ZNF646: variants seen among roughly 807,000 people sequenced by gnomAD.
The protein encoded by ZNF646 is zinc finger protein 646.
ZNF646 carries 49 observed loss-of-function variants against 115.4 expected under a neutral mutation model. That is an observed-to-expected ratio of 0.42 (90% CI 0.34 to 0.54). The LOEUF is 0.54. Ranked by LOEUF, ZNF646 falls within the 20% of genes least tolerant of loss-of-function variation. The probability of loss-of-function intolerance (pLI) is 0.04; values close to 1 mark genes in which losing one functional copy is unlikely to be tolerated. For missense variants in ZNF646, 2,269 were observed against 2,457.9 expected (o/e 0.92, Z 1.62); for synonymous variants, 933 against 939.0 (o/e 0.99, Z 0.12).
At position 31,083,858 on chromosome 16, in the gene ZNF646, G is replaced by T. The variant is rs566965645; in HGVS notation, c.*766G>T. ...AGTTGTCCTCATCCTCACGGCTTTG[G>T]TCCCTCCCTCCCTCCCCATTCCTCG... On this transcript the variant is annotated 3_prime_UTR_variant, in exon 3 of 3. Transcript: ENST00000300850. 5 of 1,601,622 alleles carry T rather than the reference G, an allele frequency of 3.1e-6. No homozygotes were observed. The East Asian group carries it at 9.0e-5, about 29-fold the overall frequency.
Position 31,084,034 on chromosome 16 carries a change from G to C in ZNF646, c.*942G>C. The C allele has an allele frequency of 2.0e-6, 3 of 1,508,374 alleles. No homozygotes were observed. Among genetic ancestry groups the C allele is most frequent in the Non-Finnish European group, 2.7e-6 (3 of 1,124,506 alleles). 93.4% of individuals were successfully genotyped at this position (1,508,374 alleles called of 1,614,324 possible). ...TGCTCCACCCTACCCAAGGCAGCTGGAGTGGGTTAGAACGGCACGTTCTCA... is the reference window on the plus strand; with the variant it reads ...TGCTCCACCCTACCCAAGGCAGCTGCAGTGGGTTAGAACGGCACGTTCTCA... On this transcript the variant is annotated 3_prime_UTR_variant, in exon 3 of 3. Coordinates refer to ENST00000300850, the MANE Select transcript of ZNF646 (RefSeq NM_014699.4).
Position 31,080,360 on chromosome 16 carries a change from A to G in ZNF646, c.4036A>G (p.Arg1346Gly), listed in dbSNP as rs1414377666. Residue 1346 changes from arginine (R) to glycine (G), a missense_variant, in exon 2 of 3, where the codon AGG becomes GGG. Arg to Gly is a moderately radical substitution (Grantham distance 125). Coordinates refer to ENST00000300850, the MANE Select transcript of ZNF646 (RefSeq NM_014699.4). ...SNRMALKDHQ[R>G]LHSENRRRRA... ...CCGCATGGCCCTGAAGGACCACCAG[A>G]GGCTGCACTCAGAGAATCGGCGGCG... is the stretch of plus-strand genomic sequence containing the variant. 6.2e-7 allele frequency: 1 copy of G among 1,613,540 alleles called. No homozygotes were observed. Among genetic ancestry groups the G allele is most frequent in the Non-Finnish European group, 8.5e-7 (1 of 1,179,912 alleles).
chr16:31,080,197 G>C lies in ZNF646; in HGVS notation c.3873G>C (p.Lys1291Asn). ...GGCGTGGGGGTGGGGGCACCCGAAA[G>C]GCGACTCGGGAAGATCGGCCCTTCC... Reference protein sequence around the residue: ...MERRGGGGTRKATREDRPFRC... With the variant: ...MERRGGGGTRNATREDRPFRC... Residue 1291 changes from lysine to asparagine, a missense_variant, in exon 2 of 3, where the codon AAG becomes AAC. By Grantham distance (94) the Lys-to-Asn change is moderately conservative. This residue lies in a region of ZNF646 where 1,062 missense variants were observed against 1,172.8 expected (regional missense o/e 0.91). Coordinates refer to ENST00000300850, the MANE Select transcript of ZNF646 (RefSeq NM_014699.4). The C allele has an allele frequency of 6.2e-7, 1 of 1,609,354 alleles. No homozygotes were observed. The highest frequency in any genetic ancestry group is 8.5e-7 in the Non-Finnish European group (1 of 1,177,500).
rs1160064604 is a variant in ZNF646 at position 31,077,869 on chromosome 16, C to G, written c.1545C>G (p.Cys515Trp). The change falls in exon 2 of 3, where the codon TGC (cysteine) becomes TGG (tryptophan). Residue 515 changes from cysteine to tryptophan, a missense_variant. By Grantham distance (215) the Cys-to-Trp change is radical. This residue lies in a region of ZNF646 where 852 missense variants were observed against 900.2 expected (regional missense o/e 0.95). Coordinates refer to ENST00000300850, the MANE Select transcript of ZNF646 (RefSeq NM_014699.4). Reference protein sequence around the residue: ...MALRNHVRVHCKAARRSADIG... With the variant: ...MALRNHVRVHWKAARRSADIG... Reference sequence around the variant, plus strand: ...TGCGCAACCACGTGCGGGTACATTGCAAGGCTGCTCGCCGAAGTGCAGACA... The same window carrying G: ...TGCGCAACCACGTGCGGGTACATTGGAAGGCTGCTCGCCGAAGTGCAGACA... 1.2e-6 allele frequency: 2 copies of G among 1,613,770 alleles called. No individual in the cohort carries two copies. The highest frequency in any genetic ancestry group is 2.7e-5 in the African/African-American group (2 of 75,060).
chr16:31,081,851 T>C, intron 2 of ZNF646, 150 bp downstream of exon 2: 1 of 1,295,140 alleles, frequency 7.7e-7, no homozygotes. Context: ...GTGAGAGAAG[T>C]AGCTTGAGGA....
rs760216959 is a variant in ZNF646, at chr16:31,079,058, G to A, written c.2734G>A (p.Gly912Ser). ...CCACAGCTCCTCTGGCATGACTGAG[G>A]GCTCAGAGGAGGAGGGGGAAGAGGA... ...QAHSSSGMTE[G>S]SEEEGEEEGV... The change falls in exon 2 of 3, where the codon GGC (glycine) becomes AGC (serine). Residue 912 changes from glycine (G) to serine (S), a missense_variant. Gly to Ser is a moderately conservative substitution (Grantham distance 56). This residue lies in a region of ZNF646 where 852 missense variants were observed against 900.2 expected (regional missense o/e 0.95). Coordinates refer to ENST00000300850, the MANE Select transcript of ZNF646 (RefSeq NM_014699.4). The surrounding 1 kb of genome is among the most constrained non-coding windows in gnomAD (Gnocchi z 5.5). 2.5e-6 allele frequency: 4 copies of A among 1,577,700 alleles called. No homozygotes were observed. The highest frequency in any genetic ancestry group is 2.6e-6 in the Non-Finnish European group (3 of 1,158,910).
At chr16:31,072,775 C>A (rs970842309), upstream of ZNF646, 1 of 152,418 alleles carries the variant, frequency 6.6e-6, no homozygotes. Context: ...GAGTCCTCCT[C>A]CCGGCAGCGA....
rs933956442 is a variant in ZNF646, at chr16:31,081,930, C to T, written c.5377+229C>T. 2.5e-4 allele frequency: 166 copies of T among 661,906 alleles called. 1 individual carries two copies. The African/African-American group carries it at 2.5e-3, about 10-fold the overall frequency. 41.0% of individuals were successfully genotyped at this position (661,906 alleles called of 1,614,324 possible). A position where few individuals can be genotyped will look rare whatever the true frequency, so the allele number is the denominator to read the frequency against. Reference sequence around the variant, plus strand: ...GGGTGGGTTGGGCAGCACGTGGGGGCGTGGTCAGGCCGAGGCTGCTACCTG... The same window carrying T: ...GGGTGGGTTGGGCAGCACGTGGGGGTGTGGTCAGGCCGAGGCTGCTACCTG... On this transcript the variant is annotated intron_variant, in intron 2 of 2. Transcript: ENST00000300850.
Position 31,079,306 on chromosome 16 carries a change from A to G in ZNF646, c.2982A>G (p.Gly994=). ...CAGACAAGGCTCCCAGCCCCTTGGG[A>G]GTGGCAGGTGATGCCATGGAGATGG... ...TTADKAPSPL[G]VAGDAMEMVV... The change falls in exon 2 of 3, where the codon GGA becomes GGG. Residue 994 remains glycine, a synonymous_variant. Coordinates refer to ENST00000300850, the MANE Select transcript of ZNF646 (RefSeq NM_014699.4). The surrounding 1 kb of genome is among the most constrained non-coding windows in gnomAD (Gnocchi z 5.5). 1.9e-6 allele frequency: 3 copies of G among 1,613,214 alleles called. No homozygotes were observed. Among genetic ancestry groups the G allele is most frequent in the Non-Finnish European group, 2.5e-6 (3 of 1,179,376 alleles).
At position 31,076,732 on chromosome 16, in the gene ZNF646, C is replaced by G. The variant is rs771387933; in HGVS notation, c.408C>G (p.Gly136=). The change falls in exon 2 of 3, where the codon GGC becomes GGG. Residue 136 remains glycine, a synonymous_variant. Coordinates refer to ENST00000300850, the MANE Select transcript of ZNF646 (RefSeq NM_014699.4). ...GCCAAAGGCTTGGCTCTAGTGAAGG[C>G]TGGGAAAACCAGACAAAACATACAG... The part of the protein sequence containing the change: ...SWGQRLGSSE[G]WENQTKHTEE... 6.2e-7 allele frequency: 1 copy of G among 1,613,700 alleles called. No individual in the cohort carries two copies. The highest frequency in any genetic ancestry group is 1.1e-5 in the South Asian group (1 of 91,080).
rs1390421955 is a variant in ZNF646 at position 31,083,939 on chromosome 16, C to T, written c.*847C>T. The T allele has an allele frequency of 1.5e-5, 23 of 1,530,228 alleles. 1 individual carries two copies. The highest frequency in any genetic ancestry group is 1.2e-4 in the East Asian group (5 of 41,880). The allele number at this position is 1,530,228 out of a possible 1,614,324, so 94.8% of individuals were successfully genotyped here. The stretch of plus-strand genomic sequence containing the variant: ...CAGATGAGAATACTGAGGCTCAAAG[C>T]GGTTGAGCAGCCTGCTCCAAGTCAC... On this transcript the variant is annotated 3_prime_UTR_variant, in exon 3 of 3. Transcript: ENST00000300850.
chr16:31,076,215 CT>C, intron 1 of ZNF646, 30 bp from the exon 2 acceptor site: 1 of 1,424,840 alleles, frequency 7.0e-7, no homozygotes, highest in Non-Finnish European at 9.3e-7. Flanking sequence ...TAATTCAGGC[CT>C]TCCTTTTGAC....
In ZNF646 at chr16:31,082,979, G is replaced by A; in HGVS notation, c.5386G>A (p.Val1796Met). 6.3e-7 allele frequency: 1 copy of A among 1,596,006 alleles called. No individual in the cohort carries two copies. Among genetic ancestry groups the A allele is most frequent in the Non-Finnish European group, 8.5e-7 (1 of 1,170,806 alleles). The change falls in exon 3 of 3, where the codon GTG becomes ATG. Residue 1796 changes from valine to methionine, a missense_variant. Physicochemically the swap from Val to Met is conservative, Grantham distance 21. Transcript: ENST00000300850. ...TCTCTCTCTCCCCCCAGGAGCCCCAGTGGCACCAGTGACGGGCAGAGGGGA... is the reference window on the plus strand; with the variant it reads ...TCTCTCTCTCCCCCCAGGAGCCCCAATGGCACCAGTGACGGGCAGAGGGGA... ...EWTVAGSGAP[V>M]APVTGRGDLP...
rs201057342 is a variant in ZNF646, at chr16:31,077,787, G to A, written c.1463G>A (p.Arg488Gln). ...GSLVNHRHSH[R>Q]TGEYQCSLCP... ...CTGGTGAACCATCGCCACAGCCATCGGACTGGAGAGTACCAGTGCTCACTC... is the reference window on the plus strand; with the variant it reads ...CTGGTGAACCATCGCCACAGCCATCAGACTGGAGAGTACCAGTGCTCACTC... Residue 488 changes from arginine (R) to glutamine (Q), a missense_variant, in exon 2 of 3, where the codon CGG (arginine) becomes CAG (glutamine). Around this residue, in one of 5 missense-constraint regions of ZNF646, gnomAD observed 852 missense variants for 900.2 expected, o/e 0.95. Transcript: ENST00000300850. 2.0e-5 allele frequency: 33 copies of A among 1,613,872 alleles called. No homozygotes were observed. Among genetic ancestry groups the A allele is most frequent in the African/African-American group, 8.0e-5 (6 of 75,040 alleles).
Position 31,079,955 on chromosome 16 carries a change from T to G in ZNF646, c.3631T>G (p.Ser1211Ala). The change falls in exon 2 of 3, where the codon TCC (serine) becomes GCC (alanine). Residue 1211 changes from serine (S) to alanine (A), a missense_variant. Physicochemically the swap from Ser to Ala is moderately conservative, Grantham distance 99. Transcript: ENST00000300850. The surrounding 1 kb of genome is among the most constrained non-coding windows in gnomAD (Gnocchi z 5.5). ...CTTCAGCTGCGAGGTGTGTGGCCGA[T>G]CCTACAAGCACGCCGGCAGCCTCAT... is the stretch of plus-strand genomic sequence containing the variant. ...RPFSCEVCGRSYKHAGSLINH... is the reference protein window; with the variant it reads ...RPFSCEVCGRAYKHAGSLINH... 6.2e-7 allele frequency: 1 copy of G among 1,610,632 alleles called. No individual in the cohort carries two copies. Among genetic ancestry groups the G allele is most frequent in the Non-Finnish European group, 8.5e-7 (1 of 1,177,894 alleles).
At chr16:31,073,563 C>G (rs1047692303), upstream of ZNF646, 4 of 152,164 alleles carry the variant, frequency 2.6e-5, no homozygotes, top group African/African-American at 9.7e-5. Context: ...CAACCCGGCC[C>G]GCCCTCGGCG....
rs1416960447 is a variant in ZNF646 at position 31,080,307 on chromosome 16, G to T, written c.3983G>T (p.Cys1328Phe). ...RRSHETGQYS[C>F]PTCPKTYSNR... ...AGCCACGAGACGGGCCAGTACAGCT[G>T]CCCCACCTGCCCCAAGACCTACTCC... Residue 1328 changes from cysteine (C) to phenylalanine (F), a missense_variant, in exon 2 of 3, where the codon TGC (cysteine) becomes TTC (phenylalanine). Physicochemically the swap from Cys to Phe is radical, Grantham distance 205 (BLOSUM62 -2). This residue lies in a region of ZNF646 where 1,062 missense variants were observed against 1,172.8 expected (regional missense o/e 0.91). Coordinates refer to ENST00000300850, the MANE Select transcript of ZNF646 (RefSeq NM_014699.4). 6.2e-7 allele frequency: 1 copy of T among 1,613,238 alleles called. No individual in the cohort carries two copies. The highest frequency in any genetic ancestry group is 1.3e-5 in the African/African-American group (1 of 74,950).
rs1383440296 is a variant in ZNF646 at position 31,080,188 on chromosome 16, C to T, written c.3864C>T (p.Gly1288=). The part of the protein sequence containing the change: ...RVHMERRGGG[G]TRKATREDRP... Reference sequence around the variant, plus strand: ...ACATGGAACGGCGTGGGGGTGGGGGCACCCGAAAGGCGACTCGGGAAGATC... The same window carrying T: ...ACATGGAACGGCGTGGGGGTGGGGGTACCCGAAAGGCGACTCGGGAAGATC... Residue 1288 remains glycine (G), a synonymous_variant, in exon 2 of 3, where the codon GGC becomes GGT. Coordinates refer to ENST00000300850, the MANE Select transcript of ZNF646 (RefSeq NM_014699.4). The T allele has an allele frequency of 6.2e-7, 1 of 1,609,656 alleles. No homozygotes were observed. The highest frequency in any genetic ancestry group is 2.2e-5 in the East Asian group (1 of 44,726).
rs756233010 is a variant in ZNF646 at position 31,081,543 on chromosome 16, C to T, written c.5219C>T (p.Ala1740Val). Reference protein sequence around the residue: ...KRHCCSICGKAFRTAARLEGH... With the variant: ...KRHCCSICGKVFRTAARLEGH... ...CACTGCTGCAGCATCTGTGGCAAGGCCTTTCGGACAGCTGCCCGGCTGGAG... is the reference window on the plus strand; with the variant it reads ...CACTGCTGCAGCATCTGTGGCAAGGTCTTTCGGACAGCTGCCCGGCTGGAG... Residue 1740 changes from alanine to valine, a missense_variant, in exon 2 of 3, where the codon GCC becomes GTC. Physicochemically the swap from Ala to Val is moderately conservative, Grantham distance 64. This residue lies in a region of ZNF646 where 1,062 missense variants were observed against 1,172.8 expected (regional missense o/e 0.91). Transcript: ENST00000300850. 1.2e-6 allele frequency: 2 copies of T among 1,613,996 alleles called. No homozygotes were observed. Among genetic ancestry groups the T allele is most frequent in the Non-Finnish European group, 8.5e-7 (1 of 1,180,022 alleles).
Sources: allele counts gnomAD v4.1 joint callset, GRCh38; gene constraint gnomAD v4.1.1; regional missense constraint gnomAD v4.1.1; non-coding constraint Gnocchi (gnomAD v3.1); transcripts MANE v1.5; gene names NCBI Gene and HGNC (gene_info 2026-07-23, HGNC 2026-07-21).